ROBO2: variants seen among roughly 807,000 people sequenced by gnomAD.
The protein encoded by ROBO2 is roundabout guidance receptor 2.
ROBO2 carries 53 observed loss-of-function variants against 160.8 expected under a neutral mutation model. The observed-to-expected ratio is 0.33, with a 90% CI of 0.26 to 0.41. ROBO2 has a LOEUF of 0.41. ROBO2 is among the 10% of genes least tolerant of loss of function. The pLI is 1.00. For missense variants in ROBO2, 1,577 were observed against 1,722.4 expected, an observed-to-expected ratio of 0.92 and a Z score of 1.49; for synonymous variants, 664 against 611.7, an observed-to-expected ratio of 1.09 and a Z score of -1.26.
chr3:77,062,421 A>G (rs1211424557), intron 1 of ROBO2, among the ~76,000 whole-genome samples: 2 of 152,050 alleles, frequency 1.3e-5, no homozygotes, highest in African/African-American at 2.4e-5. Context: ...AAAATACTCA[A>G]ATAAACTCAG....
chr3:77,261,861 G>A (rs2058797750), intron 2 of ROBO2, among the ~76,000 whole-genome samples: 3 of 150,424 alleles, frequency 2.0e-5, no homozygotes, highest in Non-Finnish European at 4.4e-5. Flanking sequence ...TCAAACCCCT[G>A]GGCTCAAGCA....
In ROBO2 at chr3:76,009,886, G is replaced by A. The variant is rs141079412; in HGVS notation, c.109+72284G>A. ...TAGATAAATTATTTTTTTCACTTGAGTTATTTGTTGAAAATTGGTAAACTT... is the reference window on the plus strand; with the variant it reads ...TAGATAAATTATTTTTTTCACTTGAATTATTTGTTGAAAATTGGTAAACTT... On this transcript the variant is annotated intron_variant, in intron 2 of 26. Transcript: ENST00000487694. 1.8e-3 allele frequency among the ~76,000 whole-genome samples: 272 copies of A among 152,176 alleles called. 3 individuals carry two copies. The highest frequency in any genetic ancestry group is 6.2e-3 in the African/African-American group (257 of 41,528).
intron 2 of ROBO2, among the ~76,000 whole-genome samples, chr3:77,113,018 A>G (rs768607070): frequency 2.0e-5 from 3 of 152,232 alleles, no homozygotes; most frequent in Non-Finnish European, 4.4e-5. Context: ...AAGGAATTCA[A>G]TAAAGTAGAA....
chr3:76,082,522 T>A (rs111780024), intron 2 of ROBO2, among the ~76,000 whole-genome samples: 34 of 152,220 alleles, frequency 2.2e-4, no homozygotes, highest in Non-Finnish European at 4.3e-4. Context: ...ATAACTCCTG[T>A]GTTCCCTGGA....
chr3:76,201,104 A>G (rs1702504200), intron 2 of ROBO2, among the ~76,000 whole-genome samples: 1 of 152,160 alleles, frequency 6.6e-6, no homozygotes, highest in Non-Finnish European at 1.5e-5. Context: ...CAAAACAACA[A>G]AACAAACCCT....
chr3:76,507,926 C>A (rs559617110), intron 2 of ROBO2, among the ~76,000 whole-genome samples: 1 of 152,236 alleles, frequency 6.6e-6, no homozygotes, highest in East Asian at 1.9e-4. Flanking sequence ...TTCAATAGCA[C>A]ACAGCACTCC....
In ROBO2 at chr3:76,188,924, G is replaced by A. The variant is rs368664775; in HGVS notation, c.109+251322G>A. Among the ~76,000 whole-genome samples the A allele has an allele frequency of 4.6e-5, 7 of 152,156 alleles. No homozygotes were observed. The East Asian group carries it at 1.2e-3, about 25-fold the overall frequency. On this transcript the variant is annotated intron_variant, in intron 2 of 26. Coordinates refer to the ROBO2 transcript ENST00000487694. Reference sequence around the variant, plus strand: ...AAAGGAATAGCTCAGTAAAAAGTGAGGGTTATGAATGTCAAATGCTGCAAT... The same window carrying A: ...AAAGGAATAGCTCAGTAAAAAGTGAAGGTTATGAATGTCAAATGCTGCAAT...
At chr3:76,960,681 G>T (rs992579749) in intron 2 of ROBO2, among the ~76,000 whole-genome samples, 2 of 152,054 alleles carry the variant, frequency 1.3e-5, no homozygotes, top group African/African-American at 2.4e-5. Context: ...TGTGTGAATA[G>T]CTCTCTAAGA....
At chr3:76,862,048 T>C (rs1359868597) in intron 2 of ROBO2, among the ~76,000 whole-genome samples, 2 of 151,164 alleles carry the variant, frequency 1.3e-5, no homozygotes, top group Admixed American at 1.3e-4. Flanking sequence ...CTGGCTGTAG[T>C]CCAAAAGTTC....
chr3:77,290,191 A>C (rs1474262677), intron 2 of ROBO2, among the ~76,000 whole-genome samples: 1 of 151,378 alleles, frequency 6.6e-6, no homozygotes, highest in African/African-American at 2.4e-5. Context: ...AGTAAAATTG[A>C]TGGTTAAACG....
chr3:76,489,567 A>T (rs1485448467), intron 2 of ROBO2, among the ~76,000 whole-genome samples: 1 of 152,210 alleles, frequency 6.6e-6, no homozygotes, highest in African/African-American at 2.4e-5. Flanking sequence ...TTCACCAAAC[A>T]TCATCAGCAA....
intron 2 of ROBO2, among the ~76,000 whole-genome samples, chr3:76,179,823 G>C (rs555913647): frequency 1.3e-5 from 2 of 152,184 alleles, no homozygotes; most frequent in East Asian, 3.9e-4. Flanking sequence ...TTGAATATTT[G>C]ATGGAAGGGG....
At chr3:77,465,070 C>T (rs2153575153) in intron 2 of ROBO2, among the ~76,000 whole-genome samples, 1 of 152,166 alleles carries the variant, frequency 6.6e-6, no homozygotes, top group African/African-American at 2.4e-5. Flanking sequence ...CCTACATTCA[C>T]AACAGCCGTA....
At chr3:77,579,879 T>C (rs1247726119) in intron 15 of ROBO2, 68 bp from the exon 17 acceptor site, 28 of 1,374,812 alleles carry the variant, frequency 2.0e-5, no homozygotes, top group Non-Finnish European at 2.7e-5. Context: ...ATTTGATCAG[T>C]TACAGTAGTC....
chr3:76,321,442 G>A (rs1052026681), intron 2 of ROBO2, among the ~76,000 whole-genome samples: 4 of 152,106 alleles, frequency 2.6e-5, no homozygotes, highest in South Asian at 2.1e-4. Context: ...GGCGGAAGTT[G>A]CAGTAAGATC....
chr3:76,648,586 G>A (rs188836038), intron 2 of ROBO2, among the ~76,000 whole-genome samples: 20 of 152,066 alleles, frequency 1.3e-4, no homozygotes, highest in Admixed American at 1.2e-3. Flanking sequence ...ATAGGAAAAT[G>A]CTGCCATATT....
intron 2 of ROBO2, among the ~76,000 whole-genome samples, chr3:77,376,959 C>T (rs935743408): frequency 1.1e-4 from 16 of 152,184 alleles, no homozygotes; most frequent in South Asian, 2.1e-4. Flanking sequence ...GACAAAGTGT[C>T]ACCTAAAATT....
At chr3:76,760,167 G>A (rs971940072) in intron 2 of ROBO2, among the ~76,000 whole-genome samples, 8 of 151,786 alleles carry the variant, frequency 5.3e-5, no homozygotes, top group African/African-American at 1.9e-4. Context: ...AAGGTTTGAT[G>A]TAGGTAATAT....
chr3:77,036,737 T>C (rs186357182), upstream of ROBO2, among the ~76,000 whole-genome samples: 342 of 152,216 alleles, frequency 2.2e-3, 1 homozygote, highest in African/African-American at 7.9e-3. Flanking sequence ...ACAATTTATA[T>C]TTAGAAAGAC....
Sources: gnomAD v4.1 joint callset for allele counts (sites outside exome capture counted in the v4.1 genomes callset) on GRCh38, gnomAD v4.1.1 for gene constraint, MANE v1.5 for transcripts, NCBI Gene and HGNC (gene_info 2026-07-23, HGNC 2026-07-21) for gene names.